GRM3: variants seen among roughly 807,000 people sequenced by gnomAD.
GRM3 encodes glutamate metabotropic receptor 3.
GRM3 carries 26 observed loss-of-function variants against 70.5 expected under a neutral mutation model. That is an observed-to-expected ratio of 0.37 (90% CI 0.27 to 0.51). GRM3 has a LOEUF of 0.51. GRM3 is among the 20% of genes least tolerant of loss of function. The probability of loss-of-function intolerance (pLI) is 0.93; values close to 1 mark genes in which losing one functional copy is unlikely to be tolerated. For synonymous variants in GRM3, 443 were observed against 434.9 expected (o/e 1.02, Z -0.23); for missense variants, 859 against 1,123.8 (o/e 0.76, Z 3.37).
At chr7:86,787,719 G>A (rs567479547) in intron 3 of GRM3, among the ~76,000 whole-genome samples, 5 of 152,308 alleles carry the variant, frequency 3.3e-5, no homozygotes, top group African/African-American at 7.2e-5. Flanking sequence ...CTCAAAATAT[G>A]TTATGAAATG....
In GRM3 at chr7:86,786,040, C is replaced by T; in HGVS notation, c.469-221C>T. The T allele has an allele frequency of 1.8e-6, 1 of 560,906 alleles. No individual in the cohort carries two copies. The highest frequency in any genetic ancestry group is 3.2e-6 in the Non-Finnish European group (1 of 309,012). The allele number at this position is 560,906 out of a possible 1,614,324, so 34.7% of individuals were successfully genotyped here. ...TTCTCATTTCTCTACTCTGCCCTTT[C>T]CTGAAGCACACACTACCTGTGTGAG... On this transcript the variant is annotated intron_variant, in intron 2 of 5. Coordinates refer to ENST00000361669, the MANE Select transcript of GRM3 (RefSeq NM_000840.3). This position sits in a 1 kb window ranked among gnomAD's most constrained non-coding sequence, Gnocchi z 6.0.
At chr7:86,740,985 A>G (rs369646385) in intron 1 of GRM3, among the ~76,000 whole-genome samples, 2 of 152,214 alleles carry the variant, frequency 1.3e-5, no homozygotes, top group East Asian at 3.8e-4. Context: ...AGGAAGAACC[A>G]TATATATGTG....
intron 1 of GRM3, among the ~76,000 whole-genome samples, chr7:86,743,314 C>A (rs1796029672): frequency 6.6e-6 from 1 of 152,008 alleles, no homozygotes; most frequent in Non-Finnish European, 1.5e-5. Flanking sequence ...GTAGCTATAT[C>A]CCATGATATC....
At chr7:86,645,035 G>T in intron 1 of GRM3, 163 bp downstream of exon 1, 1 of 362,952 alleles carries the variant, frequency 2.8e-6, no homozygotes, top group East Asian at 7.4e-5. Context: ...CAGAGGCGAT[G>T]TGGGTGTGCA....
chr7:86,818,847 C>G (rs2188291), intron 3 of GRM3, among the ~76,000 whole-genome samples: 8,125 of 152,138 alleles, frequency 0.053, 693 homozygotes, highest in African/African-American at 0.18. Flanking sequence ...AATATCTGAT[C>G]CAACAATGCC....
At chr7:86,645,231 G>A (rs1226369298) in intron 1 of GRM3, among the ~76,000 whole-genome samples, 1 of 152,130 alleles carries the variant, frequency 6.6e-6, no homozygotes, top group Non-Finnish European at 1.5e-5. Context: ...TTTCTATTTG[G>A]GGGCTCCCTA....
chr7:86,660,710 G>A (rs1203893252), intron 1 of GRM3, among the ~76,000 whole-genome samples: 1 of 151,884 alleles, frequency 6.6e-6, no homozygotes, highest in Admixed American at 6.6e-5. Flanking sequence ...TAGCAAAGAG[G>A]AGGTTTAAGC....
chr7:86,723,853 TGTA>T (rs1795531128), intron 1 of GRM3, among the ~76,000 whole-genome samples: 1 of 152,180 alleles, frequency 6.6e-6, no homozygotes, highest in African/African-American at 2.4e-5. Flanking sequence ...TGTACCAAGC[TGTA>T]GTAGTTTGTT....
At chr7:86,818,021 G>A (rs1344200096) in intron 3 of GRM3, among the ~76,000 whole-genome samples, 1 of 151,884 alleles carries the variant, frequency 6.6e-6, no homozygotes, top group Non-Finnish European at 1.5e-5. Flanking sequence ...ATCTTATGTT[G>A]CAGACCAGAG....
intron 1 of GRM3, among the ~76,000 whole-genome samples, chr7:86,747,379 A>G (rs1399318552): frequency 1.3e-5 from 2 of 152,148 alleles, no homozygotes; most frequent in African/African-American, 4.8e-5. Flanking sequence ...GATGAGATTT[A>G]TACTTTACAT....
intron 1 of GRM3, among the ~76,000 whole-genome samples, chr7:86,647,815 G>GTAGTA (rs1793511790): frequency 6.6e-6 from 1 of 152,094 alleles, no homozygotes; most frequent in Admixed American, 6.6e-5. Context: ...TCTAATGTAG[G>GTAGTA]CTTGGTCCCC....
intron 1 of GRM3, among the ~76,000 whole-genome samples, chr7:86,705,841 T>C (rs1243112347): frequency 8.5e-5 from 13 of 152,078 alleles, no homozygotes; most frequent in Non-Finnish European, 1.6e-4. Context: ...AAAACTTGTC[T>C]TTGAACCATT....
chr7:86,670,929 G>T (rs1364053273), intron 1 of GRM3, among the ~76,000 whole-genome samples: 1 of 152,110 alleles, frequency 6.6e-6, no homozygotes, highest in African/African-American at 2.4e-5. Flanking sequence ...CCAAGACAAG[G>T]TATACTCTCT....
intron 1 of GRM3, among the ~76,000 whole-genome samples, chr7:86,698,486 A>C (rs1172468879): frequency 6.7e-6 from 1 of 149,718 alleles, no homozygotes; most frequent in African/African-American, 2.5e-5. Context: ...CAGCCCTTTT[A>C]CCTGGTATAA....
intron 3 of GRM3, among the ~76,000 whole-genome samples, chr7:86,808,283 C>G (rs1038220291): frequency 6.6e-6 from 1 of 152,108 alleles, no homozygotes; most frequent in African/African-American, 2.4e-5. Context: ...GGAGGATTCC[C>G]TCTTTTTCTA....
At chr7:86,650,102 T>G (rs1474546682) in intron 1 of GRM3, among the ~76,000 whole-genome samples, 2 of 152,062 alleles carry the variant, frequency 1.3e-5, no homozygotes, top group African/African-American at 2.4e-5. Context: ...TAATAATAAG[T>G]CAAAATAATA....
At chr7:86,777,576 A>G (rs1796926642) in intron 2 of GRM3, among the ~76,000 whole-genome samples, 1 of 152,198 alleles carries the variant, frequency 6.6e-6, no homozygotes, top group South Asian at 2.1e-4. Flanking sequence ...ACTTCATTAT[A>G]CGATTTCTAA....
intron 1 of GRM3, among the ~76,000 whole-genome samples, chr7:86,730,893 A>T (rs573954916): frequency 6.6e-6 from 1 of 152,258 alleles, no homozygotes; most frequent in African/African-American, 2.4e-5. Flanking sequence ...TGCTAAGACA[A>T]TTTAATAGGG....
intron 1 of GRM3, among the ~76,000 whole-genome samples, chr7:86,733,218 G>A (rs967647734): frequency 6.6e-6 from 1 of 151,708 alleles, no homozygotes; most frequent in Admixed American, 6.6e-5. Flanking sequence ...GGAGGCTGAG[G>A]TAGGAAAATG....
Sources: allele counts gnomAD v4.1 joint callset (sites outside exome capture counted in the v4.1 genomes callset), GRCh38; gene constraint gnomAD v4.1.1; non-coding constraint Gnocchi (gnomAD v3.1); transcripts MANE v1.5; gene names NCBI Gene and HGNC (gene_info 2026-07-23, HGNC 2026-07-21).